Variants in COL4A5 observed in about 807,000 individuals in gnomAD.
COL4A5 encodes the protein collagen type IV alpha 5 chain.
COL4A5 carries 26 observed loss-of-function variants against 130.2 expected under a neutral mutation model. The ratio of observed to expected loss-of-function variants is 0.20; its 90% CI spans 0.15 to 0.28. COL4A5 has a LOEUF of 0.28. Ranked by LOEUF, COL4A5 falls within the 10% of genes least tolerant of loss-of-function variation. The pLI is 1.00. For missense variants in COL4A5, 1,131 were observed against 1,344.3 expected, an observed-to-expected ratio of 0.84 and a Z score of 2.48; for synonymous variants, 496 against 439.6, an observed-to-expected ratio of 1.13 and a Z score of -1.60.
chrX:108,634,977 T>G (rs971105040), intron 36 of COL4A5, among the ~76,000 whole-genome samples: 1 of 111,295 alleles, frequency 9.0e-6, no homozygotes, highest in African/African-American at 3.3e-5. Flanking sequence ...AAGACAAATT[T>G]CTGTAATTAC....
At chrX:108,607,704 G>A (rs759621826) in intron 29 of COL4A5, among the ~76,000 whole-genome samples, 2 of 110,718 alleles carry the variant, frequency 1.8e-5, no homozygotes, top group Admixed American at 9.6e-5. Context: ...GGCTGGTCTC[G>A]AACTCCTAAC....
rs1279451608 is a variant in COL4A5 at position 108,549,575 on chromosome X, TGGGGTTAAAGCA to T, written c.142-9485_142-9474del. Among the ~76,000 whole-genome samples, 161 of 111,577 alleles carry T rather than the reference TGGGGTTAAAGCA, an allele frequency of 1.4e-3. 12 individuals carry two copies. Among genetic ancestry groups the T allele is most frequent in the Non-Finnish European group, 4.0e-4 (21 of 52,953 alleles). ...TTGTTGAAAACTGAAAATTTTGGAATGGGGTTAAAGCAGGGCATAGGTGGGAAATAGATTTAA... is the reference window on the plus strand; with the variant it reads ...TTGTTGAAAACTGAAAATTTTGGAATGGGCATAGGTGGGAAATAGATTTAA... On this transcript the variant is annotated intron_variant, in intron 2 of 52. Coordinates refer to ENST00000328300, the MANE Select transcript of COL4A5 (RefSeq NM_033380.3).
At chrX:108,636,250 A>C (rs764197637) in intron 36 of COL4A5, among the ~76,000 whole-genome samples, 1 of 112,212 alleles carries the variant, frequency 8.9e-6, no homozygotes, top group Non-Finnish European at 1.9e-5. Context: ...CCTAAATATA[A>C]GAACTAAACC....
intron 1 of COL4A5, among the ~76,000 whole-genome samples, chrX:108,537,425 T>A (rs925023210): frequency 4.5e-5 from 5 of 111,929 alleles, no homozygotes; most frequent in Non-Finnish European, 9.4e-5. Context: ...TTGCAAAAAA[T>A]TATACAAAAT....
chrX:108,536,042 G>A (rs964515640), intron 1 of COL4A5, among the ~76,000 whole-genome samples: 1 of 111,372 alleles, frequency 9.0e-6, no homozygotes, highest in Non-Finnish European at 1.9e-5. Flanking sequence ...GAATCTTTAC[G>A]ATGGGTTGCT....
chrX:108,486,435 A>G (rs1408152653), intron 1 of COL4A5, among the ~76,000 whole-genome samples: 1 of 111,438 alleles, frequency 9.0e-6, no homozygotes, highest in Non-Finnish European at 1.9e-5. Flanking sequence ...ATTTATTCAA[A>G]TAGATTTTTG....
At chrX:108,444,755 A>G (rs1224859657) in intron 1 of COL4A5, among the ~76,000 whole-genome samples, 2 of 111,899 alleles carry the variant, frequency 1.8e-5, no homozygotes, top group Non-Finnish European at 3.8e-5. Flanking sequence ...GTCCCTCTTT[A>G]TATATGTCAA....
chrX:108,489,596 T>G (rs1353853723), intron 1 of COL4A5, among the ~76,000 whole-genome samples: 1 of 112,208 alleles, frequency 8.9e-6, no homozygotes, highest in Non-Finnish European at 1.9e-5. Flanking sequence ...AAGTTTGCTT[T>G]CTGCTAATAT....
At chrX:108,542,933 T>C (rs2065572800) in intron 2 of COL4A5, among the ~76,000 whole-genome samples, 1 of 108,762 alleles carries the variant, frequency 9.2e-6, no homozygotes, top group African/African-American at 3.4e-5. Context: ...TTCATATCCT[T>C]TGCCCACTTT....
At chrX:108,587,052 A>G (rs762911250) in intron 19 of COL4A5, among the ~76,000 whole-genome samples, 11 of 111,856 alleles carry the variant, frequency 9.8e-5, no homozygotes, top group Non-Finnish European at 1.7e-4. Flanking sequence ...AGTCCAATGT[A>G]TAATGATTAA....
chrX:108,548,535 G>A (rs1216436606), intron 2 of COL4A5, among the ~76,000 whole-genome samples: 1 of 110,873 alleles, frequency 9.0e-6, no homozygotes, highest in Non-Finnish European at 1.9e-5. Flanking sequence ...AGAAAGAACA[G>A]GGAAGCAAAA....
chrX:108,641,325 TA>T (rs2067461276), intron 36 of COL4A5, among the ~76,000 whole-genome samples: 1 of 111,764 alleles, frequency 8.9e-6, no homozygotes, highest in South Asian at 3.7e-4. Flanking sequence ...CAAGAATGGC[TA>T]AACAAAATGT....
chrX:108,640,550 A>G (rs1026709648), intron 36 of COL4A5, among the ~76,000 whole-genome samples: 1 of 111,042 alleles, frequency 9.0e-6, no homozygotes, highest in Non-Finnish European at 1.9e-5. Context: ...TTCACCACAC[A>G]CTGAAAAAAA....
At chrX:108,564,191 C>T in intron 4 of COL4A5, among the ~76,000 whole-genome samples, 1 of 110,991 alleles carries the variant, frequency 9.0e-6, no homozygotes, top group Non-Finnish European at 1.9e-5. Context: ...TTATGAAAGT[C>T]CTAAATTCTA....
At chrX:108,688,927 C>T (rs992019991) in intron 49 of COL4A5, among the ~76,000 whole-genome samples, 12 of 111,629 alleles carry the variant, frequency 1.1e-4, no homozygotes, top group African/African-American at 3.9e-4. Context: ...CCTATTTTTC[C>T]AAGGCATATG....
chrX:108,616,883 A>G (rs1228552993), intron 30 of COL4A5, among the ~76,000 whole-genome samples: 1 of 109,638 alleles, frequency 9.1e-6, no homozygotes, highest in Non-Finnish European at 1.9e-5. Flanking sequence ...TAATATAGAT[A>G]TAGAGATATT....
intron 21 of COL4A5, 140 bp from the exon 22 acceptor site, chrX:108,595,369 A>C: frequency 3.8e-6 from 2 of 524,112 alleles, no homozygotes; most frequent in South Asian, 5.7e-5. Context: ...TTTGTCATAA[A>C]TTGATTCAGG....
chrX:108,668,485 A>G lies in COL4A5; in HGVS notation c.3771A>G (p.Gln1257=), dbSNP rs148046007. ...LEGPKGNPGP[Q]GPPGRPGPTG... Reference sequence around the variant, plus strand: ...GACCTAAAGGCAACCCTGGGCCCCAAGGTCCTCCTGGGAGACCAGGTATGT... The same window carrying G: ...GACCTAAAGGCAACCCTGGGCCCCAGGGTCCTCCTGGGAGACCAGGTATGT... Residue 1257 remains glutamine, a synonymous_variant, in exon 41 of 53, where the codon CAA becomes CAG. Coordinates refer to ENST00000328300, the MANE Select transcript of COL4A5 (RefSeq NM_033380.3). The G allele has an allele frequency of 4.7e-5, 56 of 1,190,106 alleles. No homozygotes were observed. The African/African-American group carries it at 5.3e-4, about 11-fold the overall frequency.
At chrX:108,683,094 G>A (rs1228453328) in intron 47 of COL4A5, among the ~76,000 whole-genome samples, 1 of 111,882 alleles carries the variant, frequency 8.9e-6, no homozygotes, top group African/African-American at 3.2e-5. Flanking sequence ...AAGGGGTCCA[G>A]TTTCAGTTTT....
Sources: allele counts gnomAD v4.1 joint callset (sites outside exome capture counted in the v4.1 genomes callset), GRCh38; gene constraint gnomAD v4.1.1; transcripts MANE v1.5; gene names NCBI Gene and HGNC (gene_info 2026-07-23, HGNC 2026-07-21).